COLQ: variants seen among roughly 807,000 people sequenced by gnomAD.
COLQ encodes collagen like tail subunit of asymmetric acetylcholinesterase.
COLQ carries 48 observed loss-of-function variants against 69.0 expected under a neutral mutation model. The ratio of observed to expected loss-of-function variants is 0.70; its 90% CI spans 0.55 to 0.88. The LOEUF is 0.88. Among genes scored for constraint, COLQ ranks in the 40% least tolerant of loss-of-function variants. The pLI, the probability that COLQ is intolerant of heterozygous loss-of-function variation, is 0.00. For missense variants in COLQ, 618 were observed against 594.6 expected (o/e 1.04, Z -0.41); for synonymous variants, 217 against 211.2 (o/e 1.03, Z -0.24).
chr3:15,486,560 T>C (rs1475507271), intron 3 of COLQ, among the ~76,000 whole-genome samples: 1 of 152,212 alleles, frequency 6.6e-6, no homozygotes, highest in Non-Finnish European at 1.5e-5. Flanking sequence ...CCCCCTTTTC[T>C]TTTCTATATT....
intron 1 of COLQ, among the ~76,000 whole-genome samples, 163 bp downstream of exon 1, chr3:15,521,356 AC>A (rs1193753533): frequency 6.6e-6 from 1 of 152,190 alleles, no homozygotes; most frequent in Non-Finnish European, 1.5e-5. Flanking sequence ...GGCTTCCGAG[AC>A]AAGCTCGGGT....
rs544140887 is a variant in COLQ at position 15,509,415 on chromosome 3, T to C, written c.106+12105A>G. Among the ~76,000 whole-genome samples the C allele has an allele frequency of 1.1e-3, 170 of 152,342 alleles. 1 individual carries two copies. The highest frequency in any genetic ancestry group is 1.5e-3 in the Non-Finnish European group (105 of 68,024). Reference sequence around the variant, plus strand: ...ACACTCTCAGGATTGCAGTGCCTTGTGGGGTTTCCTCCTAAGATCACCCCT... The same window carrying C: ...ACACTCTCAGGATTGCAGTGCCTTGCGGGGTTTCCTCCTAAGATCACCCCT... On this transcript the variant is annotated intron_variant, in intron 1 of 16. Coordinates refer to ENST00000383788, the MANE Select transcript of COLQ (RefSeq NM_005677.4).
At chr3:15,456,420 T>C (rs2062025847) in intron 14 of COLQ, 40 bp downstream of exon 14, 1 of 1,612,336 alleles carries the variant, frequency 6.2e-7, no homozygotes, top group South Asian at 1.1e-5. Flanking sequence ...ATCTCTCTCC[T>C]GGGCAGGGAG....
chr3:15,497,377 C>T (rs2062760966), intron 1 of COLQ, among the ~76,000 whole-genome samples: 1 of 152,098 alleles, frequency 6.6e-6, no homozygotes, highest in African/African-American at 2.4e-5. Flanking sequence ...AGTATGACAC[C>T]AGAACCACCA....
At chr3:15,509,728 A>T (rs1210379958) in intron 1 of COLQ, among the ~76,000 whole-genome samples, 1 of 152,198 alleles carries the variant, frequency 6.6e-6, no homozygotes, top group Non-Finnish European at 1.5e-5. Context: ...AGGTGAGGAA[A>T]ATTGATTCTA....
chr3:15,502,825 A>G (rs551892604), intron 1 of COLQ, among the ~76,000 whole-genome samples: 24 of 152,258 alleles, frequency 1.6e-4, no homozygotes, highest in African/African-American at 4.6e-4. Context: ...GGGAAGGAGC[A>G]TTGCCTGCGC....
chr3:15,454,109 G>T (rs946213053), intron 15 of COLQ, among the ~76,000 whole-genome samples, 178 bp from the exon 16 acceptor site: 5 of 152,150 alleles, frequency 3.3e-5, no homozygotes, highest in African/African-American at 9.7e-5. Flanking sequence ...GTCCCACAGC[G>T]ATGTGCCATG....
At chr3:15,509,989 G>A (rs1379020602) in intron 1 of COLQ, among the ~76,000 whole-genome samples, 1 of 151,970 alleles carries the variant, frequency 6.6e-6, no homozygotes, top group African/African-American at 2.4e-5. Context: ...TGGCTAACAT[G>A]GTGAAACCCC....
chr3:15,499,012 C>T, intron 1 of COLQ: 10 of 1,013,148 alleles, frequency 9.9e-6, no homozygotes, highest in Middle Eastern at 4.8e-4. Flanking sequence ...TGGTAAGCCT[C>T]AAAGTCAACC....
At chr3:15,518,871 C>A (rs2063098688) in intron 1 of COLQ, among the ~76,000 whole-genome samples, 1 of 152,174 alleles carries the variant, frequency 6.6e-6, no homozygotes, top group South Asian at 2.1e-4. Context: ...TAGGCACTCA[C>A]TAAGTTATAA....
chr3:15,465,795 G>T (rs1314846663), intron 12 of COLQ, among the ~76,000 whole-genome samples: 1 of 150,778 alleles, frequency 6.6e-6, no homozygotes, highest in Non-Finnish European at 1.5e-5. Flanking sequence ...AAACAGAACG[G>T]TTTTTGCCAT....
At position 15,484,370 on chromosome 3, in the gene COLQ, T is replaced by C. The variant is rs563085614; in HGVS notation, c.321+3836A>G. On this transcript the variant is annotated intron_variant, in intron 3 of 16. Transcript: ENST00000383788. ...GGTACCAGTTGTTCCTTTCCATGTT[T>C]AGTGCTTCCTTCAGGAACTCTTGAA... Among the ~76,000 whole-genome samples, 10 of 152,326 alleles carry C rather than the reference T, an allele frequency of 6.6e-5. No homozygotes were observed. The South Asian group carries it at 1.5e-3, about 22-fold the overall frequency.
At chr3:15,485,405 A>T (rs1283131393) in intron 3 of COLQ, among the ~76,000 whole-genome samples, 1 of 152,138 alleles carries the variant, frequency 6.6e-6, no homozygotes, top group East Asian at 1.9e-4. Flanking sequence ...GTGCTGGGAG[A>T]ACCACTACTC....
At chr3:15,470,972 C>A (rs543638019) in intron 10 of COLQ, among the ~76,000 whole-genome samples, 1 of 152,344 alleles carries the variant, frequency 6.6e-6, no homozygotes, top group East Asian at 1.9e-4. Context: ...CTAATTACTA[C>A]AAGCTGTCTG....
Position 15,473,985 on chromosome 3 carries a change from C to T in COLQ, c.636+15G>A, listed in dbSNP as rs1187345213. 2 of 1,613,926 alleles carry T rather than the reference C, an allele frequency of 1.2e-6. No homozygotes were observed. Among genetic ancestry groups the T allele is most frequent in the African/African-American group, 1.3e-5 (1 of 74,912 alleles). Reference sequence around the variant, plus strand: ...TTTTATTGAGGCCTATTTTCACTACCTCAAGGTTACTTACTTTCTGCCCCA... The same window carrying T: ...TTTTATTGAGGCCTATTTTCACTACTTCAAGGTTACTTACTTTCTGCCCCA... On this transcript the variant is annotated intron_variant, in intron 10 of 16. Coordinates refer to ENST00000383788, the MANE Select transcript of COLQ (RefSeq NM_005677.4). This position sits in a 1 kb window ranked among gnomAD's most constrained non-coding sequence, Gnocchi z 4.0.
intron 1 of COLQ, among the ~76,000 whole-genome samples, chr3:15,513,372 C>T (rs6801588): frequency 2.4e-4 from 37 of 152,344 alleles, no homozygotes; most frequent in African/African-American, 8.4e-4. Context: ...CGATCCTGCT[C>T]ATGCTTTCAG....
intron 3 of COLQ, among the ~76,000 whole-genome samples, chr3:15,483,046 C>G (rs192365088): frequency 2.0e-5 from 3 of 152,276 alleles, no homozygotes; most frequent in African/African-American, 7.2e-5. Context: ...TCTGTGGGAT[C>G]AGTAGTTATA....
chr3:15,463,484 C>A (rs891804393), intron 12 of COLQ, among the ~76,000 whole-genome samples: 3 of 151,648 alleles, frequency 2.0e-5, no homozygotes, highest in African/African-American at 7.3e-5. Flanking sequence ...GTAGCTGGGA[C>A]TACAGGCGCC....
At chr3:15,468,075 T>C (rs2062226921) in intron 11 of COLQ, among the ~76,000 whole-genome samples, 1 of 152,230 alleles carries the variant, frequency 6.6e-6, no homozygotes. Flanking sequence ...AGTCTTGTTT[T>C]TCTAACGGCC....
Sources: allele counts gnomAD v4.1 joint callset (sites outside exome capture counted in the v4.1 genomes callset), GRCh38; gene constraint gnomAD v4.1.1; non-coding constraint Gnocchi (gnomAD v3.1); transcripts MANE v1.5; gene names NCBI Gene and HGNC (gene_info 2026-07-23, HGNC 2026-07-21).